The following ARHGAP26 variants were observed in gnomAD, a reference collection of about 807,000 sequenced individuals.
ARHGAP26 encodes the protein Rho GTPase activating protein 26, also known as rho GTPase-activating protein 26.
In ARHGAP26, 38 loss-of-function variants were observed where a neutral mutation model predicts 104.8. That is an observed-to-expected ratio of 0.36 (90% confidence interval 0.28 to 0.48). The LOEUF (loss-of-function observed/expected upper bound fraction) is 0.48, where lower values mean the gene tolerates loss of function less well. ARHGAP26 is among the 20% of genes least tolerant of loss of function. The probability of loss-of-function intolerance (pLI) is 0.99; values close to 1 mark genes in which losing one functional copy is unlikely to be tolerated. For missense variants in ARHGAP26, 704 were observed against 947.9 expected (o/e 0.74, Z 3.38); for synonymous variants, 341 against 340.0 (o/e 1.00, Z -0.03).
chr5:142,785,165 C>T (rs866830005), intron 1 of ARHGAP26, among the ~76,000 whole-genome samples: 1 of 151,884 alleles, frequency 6.6e-6, no homozygotes, highest in East Asian at 1.9e-4. Context: ...CTCCTGATCT[C>T]GTGATCCGCC....
At chr5:142,809,012 A>C (rs1324083650) in intron 1 of ARHGAP26, among the ~76,000 whole-genome samples, 1 of 152,194 alleles carries the variant, frequency 6.6e-6, no homozygotes, top group Non-Finnish European at 1.5e-5. Context: ...AAGTGCCTGT[A>C]TGGCTGGCTG....
At chr5:142,878,973 T>C (rs1240600176) in intron 3 of ARHGAP26, among the ~76,000 whole-genome samples, 2 of 152,202 alleles carry the variant, frequency 1.3e-5, no homozygotes, top group Non-Finnish European at 2.9e-5. Context: ...TTTGTTTATT[T>C]GTTTTTAACC....
At chr5:143,210,257 C>CA (rs1409800428) in intron 21 of ARHGAP26, among the ~76,000 whole-genome samples, 1 of 151,992 alleles carries the variant, frequency 6.6e-6, no homozygotes, top group Non-Finnish European at 1.5e-5. Flanking sequence ...TGGCGGCAGG[C>CA]AAAAAGAGAG....
At chr5:142,772,924 T>C in intron 1 of ARHGAP26, 1 of 533,168 alleles carries the variant, frequency 1.9e-6, no homozygotes, top group South Asian at 1.4e-5. Context: ...GAAGAAACAT[T>C]GCAGTGATAG....
chr5:143,001,867 A>G (rs1255958437), intron 11 of ARHGAP26, among the ~76,000 whole-genome samples: 1 of 152,364 alleles, frequency 6.6e-6, no homozygotes, highest in Non-Finnish European at 1.5e-5. Flanking sequence ...TGTTGCATGC[A>G]TACGAGTTGG....
intron 20 of ARHGAP26, among the ~76,000 whole-genome samples, chr5:143,201,638 G>A (rs1261057197): frequency 6.6e-6 from 1 of 152,156 alleles, no homozygotes; most frequent in Non-Finnish European, 1.5e-5. Context: ...AGAGTCTTGG[G>A]CCATAATAAC....
chr5:143,161,307 C>T (rs1043302780), intron 20 of ARHGAP26, among the ~76,000 whole-genome samples: 3 of 152,106 alleles, frequency 2.0e-5, no homozygotes, highest in African/African-American at 4.8e-5. Context: ...CCACTGCACC[C>T]GGCCTCAGAT....
chr5:143,071,125 C>A (rs901045425), intron 17 of ARHGAP26, among the ~76,000 whole-genome samples: 3 of 151,718 alleles, frequency 2.0e-5, no homozygotes, highest in African/African-American at 7.3e-5. Flanking sequence ...GGCCTATAGA[C>A]CAATGGAACA....
At chr5:142,778,015 T>C (rs1464953357) in intron 1 of ARHGAP26, among the ~76,000 whole-genome samples, 1 of 151,484 alleles carries the variant, frequency 6.6e-6, no homozygotes, top group Non-Finnish European at 1.5e-5. Context: ...GAAGCTGTTG[T>C]AATAGTTGAG....
chr5:142,965,175 G>A (rs976488888), intron 11 of ARHGAP26, among the ~76,000 whole-genome samples: 3 of 152,180 alleles, frequency 2.0e-5, no homozygotes, highest in Non-Finnish European at 2.9e-5. Flanking sequence ...GGCAGAGCCA[G>A]GTGTACAGGA....
At chr5:142,772,460 C>T (rs1361711324) in intron 1 of ARHGAP26, among the ~76,000 whole-genome samples, 1 of 152,176 alleles carries the variant, frequency 6.6e-6, no homozygotes, top group Non-Finnish European at 1.5e-5. Flanking sequence ...TTAGTGAGTT[C>T]TCTGCTTCAC....
At chr5:143,121,742 A>G (rs112273760) in intron 18 of ARHGAP26, among the ~76,000 whole-genome samples, 43 of 152,192 alleles carry the variant, frequency 2.8e-4, no homozygotes, top group African/African-American at 1.0e-3. Flanking sequence ...TCATCCCCCA[A>G]TTTGAAGAAT....
chr5:142,951,057 T>C, intron 11 of ARHGAP26, among the ~76,000 whole-genome samples: 1 of 140,732 alleles, frequency 7.1e-6, no homozygotes, highest in Non-Finnish European at 1.5e-5. Flanking sequence ...CCCTTCCCCT[T>C]CCCCCTCCCC....
chr5:143,165,034 TAGTA>T (rs1037515981), intron 20 of ARHGAP26: 8 of 152,184 alleles, frequency 5.3e-5, no homozygotes, highest in Admixed American at 1.3e-4. Flanking sequence ...CAAGAATTTG[TAGTA>T]AGTAAGAGAA....
At chr5:143,170,134 G>C (rs1258358055) in intron 20 of ARHGAP26, 3 of 152,158 alleles carry the variant, frequency 2.0e-5, no homozygotes, top group Non-Finnish European at 4.4e-5. Flanking sequence ...CGGTGTGCTG[G>C]GGCTGGCCTC....
chr5:143,152,521 C>T (rs1799971344), intron 20 of ARHGAP26, among the ~76,000 whole-genome samples: 1 of 152,230 alleles, frequency 6.6e-6, no homozygotes, highest in Non-Finnish European at 1.5e-5. Flanking sequence ...AATCTCACAG[C>T]TGGCCTGCTT....
intron 11 of ARHGAP26, among the ~76,000 whole-genome samples, chr5:142,971,461 A>G (rs1033808307): frequency 6.6e-5 from 10 of 152,172 alleles, no homozygotes; most frequent in African/African-American, 2.4e-4. Flanking sequence ...ATTAGCTGCT[A>G]TCTCCTCAGC....
At chr5:143,057,949 G>A (rs1362699103) in intron 17 of ARHGAP26, 3 of 690,574 alleles carry the variant, frequency 4.3e-6, no homozygotes, top group Non-Finnish European at 8.1e-6. Flanking sequence ...GAGGATGCTG[G>A]GGAAGTGCTC....
intron 11 of ARHGAP26, among the ~76,000 whole-genome samples, chr5:142,982,121 A>G (rs1286889335): frequency 6.6e-6 from 1 of 152,214 alleles, no homozygotes; most frequent in Non-Finnish European, 1.5e-5. Flanking sequence ...CAGGCTGTTC[A>G]GACAGTGGAC....
Sources: gnomAD v4.1 joint callset for allele counts (sites outside exome capture counted in the v4.1 genomes callset) on GRCh38, gnomAD v4.1.1 for gene constraint, MANE v1.5 for transcripts, NCBI Gene and HGNC (gene_info 2026-07-23, HGNC 2026-07-21) for gene names.